ZFHX3: variants seen among roughly 807,000 people sequenced by gnomAD.
The protein encoded by ZFHX3 is zinc finger homeobox protein 3.
Under a neutral mutation model 279.1 loss-of-function variants are expected in ZFHX3, and 42 were observed. The observed-to-expected ratio is 0.15, with a 90% confidence interval of 0.12 to 0.19. The LOEUF (loss-of-function observed/expected upper bound fraction) is 0.19, where lower values mean the gene tolerates loss of function less well. Ranked by LOEUF, ZFHX3 falls within the 10% of genes least tolerant of loss-of-function variation. The probability of loss-of-function intolerance (pLI) is 1.00; values close to 1 mark genes in which losing one functional copy is unlikely to be tolerated. For synonymous variants in ZFHX3, 2,293 were observed against 1,957.8 expected (o/e 1.17, Z -4.52); for missense variants, 4,981 against 4,754.0 (o/e 1.05, Z -1.40).
chr16:73,434,691 T>C (rs1169902206), intron 3 of ZFHX3, among the ~76,000 whole-genome samples: 1 of 152,124 alleles, frequency 6.6e-6, no homozygotes, highest in Non-Finnish European at 1.5e-5. Context: ...TTGAGGTTGA[T>C]CTCAAGATGT....
At chr16:73,480,576 G>A (rs940701385) in intron 2 of ZFHX3, among the ~76,000 whole-genome samples, 3 of 152,198 alleles carry the variant, frequency 2.0e-5, no homozygotes, top group Admixed American at 6.5e-5. Context: ...AGGGCAGAAT[G>A]TGCCTGGAAT....
intron 1 of ZFHX3, among the ~76,000 whole-genome samples, chr16:73,734,706 A>G (rs1319461931): frequency 2.6e-5 from 4 of 152,172 alleles, no homozygotes; most frequent in Non-Finnish European, 1.5e-5. Flanking sequence ...ATATGAAACT[A>G]TGAAAAACGT....
intron 4 of ZFHX3, among the ~76,000 whole-genome samples, chr16:72,882,719 T>C (rs981660285): frequency 6.6e-6 from 1 of 152,132 alleles, no homozygotes; most frequent in African/African-American, 2.4e-5. Flanking sequence ...TTAGCATATT[T>C]TGCAGAGAGC....
rs562910080 is a variant in ZFHX3 at position 73,369,881 on chromosome 16, A to G, written c.-1290-51545T>C. On this transcript the variant is annotated intron_variant, in intron 3 of 17. Coordinates refer to the ZFHX3 transcript ENST00000641206. ...CTCTGTCTCTCAACTATTACAGTCAAAGCATATTCGAAGAGCCAATCTTTT... is the reference window on the plus strand; with the variant it reads ...CTCTGTCTCTCAACTATTACAGTCAGAGCATATTCGAAGAGCCAATCTTTT... 6.4e-4 allele frequency among the ~76,000 whole-genome samples: 97 copies of G among 152,242 alleles called. 2 individuals carry two copies. The highest frequency in any genetic ancestry group is 2.2e-3 in the African/African-American group (93 of 41,528).
intron 8 of ZFHX3, among the ~76,000 whole-genome samples, chr16:73,074,747 G>A (rs1017794921): frequency 1.2e-4 from 18 of 152,016 alleles, no homozygotes; most frequent in African/African-American, 4.1e-4. Context: ...AACACTCAGT[G>A]TAAGTCCTAA....
chr16:73,436,171 A>G (rs2017994683), intron 3 of ZFHX3, among the ~76,000 whole-genome samples: 1 of 152,156 alleles, frequency 6.6e-6, no homozygotes, highest in Admixed American at 6.5e-5. Flanking sequence ...CTCTACAAAA[A>G]ATAGCTGGCC....
chr16:72,821,390 T>C (rs2036786936), intron 5 of ZFHX3, among the ~76,000 whole-genome samples: 1 of 152,176 alleles, frequency 6.6e-6, no homozygotes, highest in Non-Finnish European at 1.5e-5. Flanking sequence ...ACACCCTACA[T>C]TGTGTAATGT....
chr16:73,521,113 G>C (rs1274874912), intron 2 of ZFHX3, among the ~76,000 whole-genome samples: 1 of 152,150 alleles, frequency 6.6e-6, no homozygotes, highest in African/African-American at 2.4e-5. Flanking sequence ...TGATTTTTAA[G>C]GCAGTTAAGG....
At chr16:73,716,643 ACACACAC>A (rs72155548) in intron 1 of ZFHX3, among the ~76,000 whole-genome samples, 72,271 of 138,830 alleles carry the variant, frequency 0.52, 17,935 homozygotes, top group East Asian at 0.63. Context: ...ACACACACAC[ACACACAC>A]GCATGCACGC....
At chr16:73,626,694 C>T (rs1471926423) in intron 2 of ZFHX3, among the ~76,000 whole-genome samples, 1 of 152,116 alleles carries the variant, frequency 6.6e-6, no homozygotes, top group Non-Finnish European at 1.5e-5. Flanking sequence ...CTCTTTCTAC[C>T]TTTAATGTCC....
At chr16:73,847,132 T>A (rs1961470219) in intron 1 of ZFHX3, among the ~76,000 whole-genome samples, 1 of 151,914 alleles carries the variant, frequency 6.6e-6, no homozygotes, top group Non-Finnish European at 1.5e-5. Flanking sequence ...TGAAACCCCA[T>A]CTCTACTAAA....
chr16:72,853,874 C>CT (rs752625880), intron 4 of ZFHX3, among the ~76,000 whole-genome samples: 1 of 150,830 alleles, frequency 6.6e-6, no homozygotes, highest in Non-Finnish European at 1.5e-5. Flanking sequence ...GGTGCACAGA[C>CT]TAATAAAGTG....
At chr16:72,892,026 A>C (rs2038785316) in intron 3 of ZFHX3, among the ~76,000 whole-genome samples, 1 of 152,202 alleles carries the variant, frequency 6.6e-6, no homozygotes, top group Admixed American at 6.5e-5. Context: ...GCAATCCTGA[A>C]AATACCAGAG....
At chr16:73,727,074 C>T (rs1235993726) in intron 1 of ZFHX3, among the ~76,000 whole-genome samples, 1 of 152,188 alleles carries the variant, frequency 6.6e-6, no homozygotes, top group Non-Finnish European at 1.5e-5. Context: ...TCCAGGAGGA[C>T]TAGGGGCCTC....
In ZFHX3 at chr16:73,725,508, T is replaced by C. The variant is rs1190532327; in HGVS notation, c.-1607-45268A>G. Among the ~76,000 whole-genome samples the C allele has an allele frequency of 2.0e-5, 3 of 150,546 alleles. No homozygotes were observed. The East Asian group carries it at 6.0e-4, about 30-fold the overall frequency. ...CCCCAAAGAGACAGGGGTCTTATTG[T>C]CACTACCTCCAACAGAGTGTGAGTG... On this transcript the variant is annotated intron_variant, in intron 1 of 17. Coordinates refer to the ZFHX3 transcript ENST00000641206.
chr16:73,231,413 A>G (rs2012768194), intron 5 of ZFHX3, among the ~76,000 whole-genome samples: 1 of 152,228 alleles, frequency 6.6e-6, no homozygotes, highest in African/African-American at 2.4e-5. Flanking sequence ...AGGGCAAGTG[A>G]GGGAAAAAGA....
intron 2 of ZFHX3, among the ~76,000 whole-genome samples, chr16:73,584,327 T>C (rs776083117): frequency 6.6e-6 from 1 of 152,114 alleles, no homozygotes; most frequent in Non-Finnish European, 1.5e-5. Context: ...TAAATCCATA[T>C]CTAAACCTCT....
At chr16:73,877,228 C>T (rs1203618484) in intron 1 of ZFHX3, among the ~76,000 whole-genome samples, 1 of 150,628 alleles carries the variant, frequency 6.6e-6, no homozygotes, top group Admixed American at 6.6e-5. Flanking sequence ...GCACTTGCTT[C>T]CTTGAACCCT....
At chr16:73,358,296 G>A (rs1037808821) in intron 3 of ZFHX3, among the ~76,000 whole-genome samples, 4 of 152,206 alleles carry the variant, frequency 2.6e-5, no homozygotes, top group African/African-American at 7.2e-5. Context: ...AAGTGAAGGC[G>A]TGTCGCCTGC....
Sources: allele counts gnomAD v4.1 joint callset (sites outside exome capture counted in the v4.1 genomes callset), GRCh38; gene constraint gnomAD v4.1.1; transcripts MANE v1.5; gene names NCBI Gene and HGNC (gene_info 2026-07-23, HGNC 2026-07-21).